TUSC3: variants seen among roughly 807,000 people sequenced by gnomAD.
TUSC3 encodes tumor suppressor candidate 3.
In TUSC3, 45 loss-of-function variants were observed where a neutral mutation model predicts 44.8. The ratio of observed to expected loss-of-function variants is 1.00; its 90% CI spans 0.79 to 1.29. TUSC3 has a LOEUF of 1.29. Among genes scored for constraint, TUSC3 ranks in the 50% most tolerant of loss-of-function variants. TUSC3 has a pLI of 0.00. For synonymous variants in TUSC3, 212 were observed against 152.9 expected, an observed-to-expected ratio of 1.39 and a Z score of -2.85; for missense variants, 519 against 437.9, an observed-to-expected ratio of 1.19 and a Z score of -1.65.
intron 1 of TUSC3, among the ~76,000 whole-genome samples, chr8:15,433,644 G>A (rs1307400734): frequency 6.6e-6 from 1 of 151,858 alleles, no homozygotes; most frequent in African/African-American, 2.4e-5. Flanking sequence ...TCTTTACTCT[G>A]CCACTCTAGA....
chr8:15,720,457 A>AT (rs1810261095), intron 6 of TUSC3, among the ~76,000 whole-genome samples: 1 of 152,078 alleles, frequency 6.6e-6, no homozygotes, highest in African/African-American at 2.4e-5. Context: ...CAACCATGTT[A>AT]TATAGGCCTA....
At chr8:15,837,785 T>TG in the TUSC3 span, among the ~76,000 whole-genome samples, 6 of 152,224 alleles carry the variant, frequency 3.9e-5, no homozygotes, top group Non-Finnish European at 8.8e-5. Context: ...AACCATTTTC[T>TG]GGTGAGTATT....
chr8:15,712,731 A>G (rs1257282309), intron 6 of TUSC3, among the ~76,000 whole-genome samples: 1 of 152,148 alleles, frequency 6.6e-6, no homozygotes, highest in African/African-American at 2.4e-5. Context: ...TTGATTTAAT[A>G]CATTCCACAG....
intron 2 of TUSC3, among the ~76,000 whole-genome samples, chr8:15,488,292 C>T (rs1259457347): frequency 1.3e-5 from 2 of 151,438 alleles, no homozygotes; most frequent in African/African-American, 4.9e-5. Flanking sequence ...AGCTCAGGAG[C>T]CCAGGACCAG....
intron 1 of TUSC3, among the ~76,000 whole-genome samples, chr8:15,550,571 C>G (rs1253641681): frequency 6.6e-6 from 1 of 151,730 alleles, no homozygotes; most frequent in Admixed American, 6.6e-5. Context: ...ACCCTCCTAC[C>G]CTGCCCCCAT....
At chr8:15,539,743 A>T (rs1563278818), upstream of TUSC3, among the ~76,000 whole-genome samples, 1 of 152,102 alleles carries the variant, frequency 6.6e-6, no homozygotes. Context: ...CTCTGTACTT[A>T]TGCACTCCAT....
rs183703242 is a variant in TUSC3 at position 15,459,713 on chromosome 8, T to C, written n.92-23673T>C. On this transcript the variant is annotated intron_variant and non_coding_transcript_variant, in intron 1 of 5. Coordinates refer to the TUSC3 transcript ENST00000503191. ...TAGCTTTCACATATCAGTGAGAAGATATGATGTTTGATTTTTCCATTCCTA... is the reference window on the plus strand; with the variant it reads ...TAGCTTTCACATATCAGTGAGAAGACATGATGTTTGATTTTTCCATTCCTA... Among the ~76,000 whole-genome samples the C allele has an allele frequency of 4.6e-3, 702 of 152,258 alleles. 6 individuals are homozygous for C. Among genetic ancestry groups the C allele is most frequent in the South Asian group, 9.5e-3 (46 of 4,828 alleles).
the TUSC3 span, among the ~76,000 whole-genome samples, chr8:15,776,306 A>C: frequency 6.6e-6 from 1 of 152,078 alleles, no homozygotes; most frequent in East Asian, 1.9e-4. Context: ...AAATGATTCT[A>C]TCTTTAACAC....
chr8:15,663,029 AAGAGATGAC>A (rs772769627), intron 5 of TUSC3, among the ~76,000 whole-genome samples: 3 of 151,906 alleles, frequency 2.0e-5, no homozygotes, highest in Non-Finnish European at 4.4e-5. Flanking sequence ...TAGGAGGGGA[AAGAGATGAC>A]AGTAGAGTTC....
At chr8:15,586,540 T>A (rs1803609511) in intron 1 of TUSC3, among the ~76,000 whole-genome samples, 1 of 152,252 alleles carries the variant, frequency 6.6e-6, no homozygotes, top group South Asian at 2.1e-4. Flanking sequence ...GAGGGTCGCA[T>A]TACCTCAGGC....
chr8:15,725,250 A>G (rs888904712), intron 6 of TUSC3, among the ~76,000 whole-genome samples: 2 of 152,166 alleles, frequency 1.3e-5, no homozygotes, highest in African/African-American at 4.8e-5. Flanking sequence ...ATTGTCTTCA[A>G]AATAGCTATT....
intron 9 of TUSC3, among the ~76,000 whole-genome samples, chr8:15,752,045 A>G (rs536320015): frequency 3.3e-5 from 5 of 152,146 alleles, no homozygotes; most frequent in Non-Finnish European, 7.4e-5. Flanking sequence ...GAAAATACAT[A>G]CATCCATGAA....
chr8:15,814,326 ATAAATT>A, the TUSC3 span, among the ~76,000 whole-genome samples: 1 of 152,196 alleles, frequency 6.6e-6, no homozygotes, highest in South Asian at 2.1e-4. Context: ...GCGCACCAAA[ATAAATT>A]TATATTTTTG....
In TUSC3 at chr8:15,764,501, C is replaced by T; in HGVS notation, c.*345C>T. 1 of 356,656 alleles carries T rather than the reference C, an allele frequency of 2.8e-6. No homozygotes were observed. The highest frequency in any genetic ancestry group is 3.2e-5 in the South Asian group (1 of 31,184). 22.1% of individuals were successfully genotyped at this position (356,656 alleles called of 1,614,324 possible). ...GTAATTATGAATTCATGTTTTAGAG[C>T]TGTTTACTCATTAGTAAAGGACCGC... On this transcript the variant is annotated 3_prime_UTR_variant, in exon 11 of 11. Transcript: ENST00000503731.
rs1420815505 is a variant in TUSC3, at chr8:15,765,049, G to A, written c.*893G>A. ...AAAGGTTAATTATCCTAGGATTAGT[G>A]AATGATTCAATGAAGCTTTCTTGAA... On this transcript the variant is annotated 3_prime_UTR_variant, in exon 11 of 11. Transcript: ENST00000503731. 1 of 151,996 alleles carries A rather than the reference G, an allele frequency of 6.6e-6. No homozygotes were observed. Among genetic ancestry groups the A allele is most frequent in the Non-Finnish European group, 1.5e-5 (1 of 67,918 alleles). The allele number at this position is 151,996 out of a possible 1,614,324, so 9.4% of individuals were successfully genotyped here.
At chr8:15,667,501 C>A (rs187631090) in intron 5 of TUSC3, among the ~76,000 whole-genome samples, 3 of 151,672 alleles carry the variant, frequency 2.0e-5, no homozygotes, top group Admixed American at 6.6e-5. Flanking sequence ...TTACTTATAA[C>A]TTGAAAACAT....
At chr8:15,736,678 T>C (rs893566942) in intron 7 of TUSC3, among the ~76,000 whole-genome samples, 1 of 152,174 alleles carries the variant, frequency 6.6e-6, no homozygotes, top group Non-Finnish European at 1.5e-5. Context: ...TTTAGAGAAA[T>C]GTTTGCAGAT....
chr8:15,743,756 G>T, intron 8 of TUSC3, 144 bp downstream of exon 8: 1 of 903,982 alleles, frequency 1.1e-6, no homozygotes. Flanking sequence ...TTTTTCTATT[G>T]CTGGGATGTG....
At chr8:15,682,784 T>C (rs185164734) in intron 6 of TUSC3, among the ~76,000 whole-genome samples, 1 of 152,038 alleles carries the variant, frequency 6.6e-6, no homozygotes, top group East Asian at 1.9e-4. Context: ...GCAGCTGTTG[T>C]TCTTTTGTTT....
Sources: gnomAD v4.1 joint callset for allele counts (sites outside exome capture counted in the v4.1 genomes callset) on GRCh38, gnomAD v4.1.1 for gene constraint, MANE v1.5 for transcripts, NCBI Gene and HGNC (gene_info 2026-07-23, HGNC 2026-07-21) for gene names.